The following LASP1 variants were observed in gnomAD, a reference collection of about 807,000 sequenced individuals.
The protein encoded by LASP1 is LIM and SH3 domain protein 1.
LASP1 carries 10 observed loss-of-function variants against 38.6 expected under a neutral mutation model. The observed-to-expected ratio is 0.26, with a 90% CI of 0.16 to 0.44. The LOEUF is 0.44. Ranked by LOEUF, LASP1 falls within the 20% of genes least tolerant of loss-of-function variation. The pLI is 1.00. For synonymous variants in LASP1, 132 were observed against 140.8 expected (o/e 0.94, Z 0.44); for missense variants, 243 against 375.7 (o/e 0.65, Z 2.92).
At chr17:38,910,913 GCA>G (rs879270170) in intron 4 of LASP1, among the ~76,000 whole-genome samples, 39,167 of 151,800 alleles carry the variant, frequency 0.26, 5,986 homozygotes, top group Middle Eastern at 0.49. Context: ...AGTAGAGACG[GCA>G]TTTCACCATG....
chr17:38,877,164 CCA>C (rs1380755184), intron 1 of LASP1, among the ~76,000 whole-genome samples: 1 of 152,186 alleles, frequency 6.6e-6, no homozygotes, highest in Non-Finnish European at 1.5e-5. Flanking sequence ...CTCAGAGGTG[CCA>C]AGTGCTGTGC....
At chr17:38,889,766 A>G (rs1405217766) in intron 2 of LASP1, among the ~76,000 whole-genome samples, 3 of 152,196 alleles carry the variant, frequency 2.0e-5, no homozygotes, top group Non-Finnish European at 2.9e-5. Context: ...AGCATTTCCA[A>G]TAAGGGATAC....
chr17:38,904,193 C>T (rs552037918), intron 4 of LASP1, among the ~76,000 whole-genome samples: 1 of 152,240 alleles, frequency 6.6e-6, no homozygotes, highest in East Asian at 1.9e-4. Context: ...AAAAATATAA[C>T]TCCCATGTAG....
intron 3 of LASP1, among the ~76,000 whole-genome samples, chr17:38,894,775 T>C (rs920879149): frequency 6.6e-6 from 1 of 152,064 alleles, no homozygotes; most frequent in African/African-American, 2.4e-5. Flanking sequence ...TCTCTCTCTG[T>C]CTCCCAGGCT....
rs898647876 is a variant in LASP1 at position 38,919,026 on chromosome 17, C to A, written c.*248C>A. 7.5e-6 allele frequency: 2 copies of A among 268,334 alleles called. No homozygotes were observed. Among genetic ancestry groups the A allele is most frequent in the African/African-American group, 9.5e-5 (1 of 10,520 alleles). 16.6% of individuals were successfully genotyped at this position (268,334 alleles called of 1,614,324 possible). A position where few individuals can be genotyped will look rare whatever the true frequency, so the allele number is the denominator to read the frequency against. ...CTGGATGGAACGGGCATGGGCCTCTCTGGGGGAGGCAGGGCTGGAATGGGA... is the reference window on the plus strand; with the variant it reads ...CTGGATGGAACGGGCATGGGCCTCTATGGGGGAGGCAGGGCTGGAATGGGA... On this transcript the variant is annotated 3_prime_UTR_variant, in exon 7 of 7. Transcript: ENST00000318008.
At chr17:38,875,254 A>G (rs1370126640) in intron 1 of LASP1, among the ~76,000 whole-genome samples, 8 of 152,010 alleles carry the variant, frequency 5.3e-5, no homozygotes, top group Non-Finnish European at 4.4e-5. Context: ...CACCCTGCCA[A>G]TGCCTCCCAG....
At chr17:38,888,941 TC>T (rs1914222706) in intron 2 of LASP1, among the ~76,000 whole-genome samples, 1 of 152,094 alleles carries the variant, frequency 6.6e-6, no homozygotes, top group Non-Finnish European at 1.5e-5. Flanking sequence ...ACTGAAGAAA[TC>T]GTCTGGGCGC....
At chr17:38,896,950 GA>G in intron 3 of LASP1, 1 of 985,364 alleles carries the variant, frequency 1.0e-6, no homozygotes, top group Non-Finnish European at 1.2e-6. Flanking sequence ...TCTGTATCTG[GA>G]GCTACATTTC....
At position 38,914,886 on chromosome 17, in the gene LASP1, A is replaced by C. The variant is rs1024743276; in HGVS notation, c.509-157A>C. On this transcript the variant is annotated intron_variant, in intron 5 of 6. Transcript: ENST00000318008. ...AGCCCCTGCGTGGGATACAACACAC[A>C]GGCAAATGTGCACACGTGGACATCA... 2.0e-5 allele frequency: 14 copies of C among 689,436 alleles called. No individual in the cohort carries two copies. The Admixed American group carries it at 3.7e-4, about 18-fold the overall frequency. The allele number at this position is 689,436 out of a possible 1,614,324, so 42.7% of individuals were successfully genotyped here.
At chr17:38,913,963 T>C (rs566065960) in intron 4 of LASP1, among the ~76,000 whole-genome samples, 115 of 150,896 alleles carry the variant, frequency 7.6e-4, no homozygotes, top group Admixed American at 1.3e-3. Context: ...GATCGTACCA[T>C]TGCACTCCAG....
chr17:38,898,017 G>T (rs1914536619), intron 3 of LASP1, among the ~76,000 whole-genome samples: 1 of 152,204 alleles, frequency 6.6e-6, no homozygotes, highest in African/African-American at 2.4e-5. Context: ...GGCAGATGAG[G>T]GTTTGCACTC....
intron 4 of LASP1, among the ~76,000 whole-genome samples, chr17:38,900,380 CAA>C (rs55996334): frequency 5.3e-5 from 6 of 113,564 alleles, no homozygotes; most frequent in South Asian, 2.8e-4. Context: ...ACCCTGTTTC[CAA>C]AAAAAAAAAG....
rs144649726 is a variant in LASP1, at chr17:38,883,989, C to T, written c.164+5809C>T. 4.7e-3 allele frequency among the ~76,000 whole-genome samples: 712 copies of T among 151,518 alleles called. 4 individuals carry two copies. The highest frequency in any genetic ancestry group is 0.017 in the African/African-American group (683 of 41,364). On this transcript the variant is annotated intron_variant, in intron 2 of 6. Coordinates refer to ENST00000318008, the MANE Select transcript of LASP1 (RefSeq NM_006148.4). ...CTTCCCAGTAGGGGCTTTTGGAATC[C>T]GCAGCTCTTTCTAGAGGCAGGATGT...
chr17:38,871,861 G>A (rs1913619944), intron 1 of LASP1, among the ~76,000 whole-genome samples: 1 of 152,188 alleles, frequency 6.6e-6, no homozygotes. Flanking sequence ...CCGCTGTTGG[G>A]CAGGACTTGA....
chr17:38,912,479 G>A (rs777294002), intron 4 of LASP1, among the ~76,000 whole-genome samples: 2 of 150,364 alleles, frequency 1.3e-5, no homozygotes, highest in African/African-American at 2.5e-5. Context: ...CCAGGGTGCC[G>A]CAGGATCTGG....
intron 4 of LASP1, chr17:38,899,287 A>G (rs1914576744): frequency 6.1e-6 from 1 of 164,564 alleles, no homozygotes; most frequent in South Asian, 1.5e-4. Flanking sequence ...AGCCTGGCCT[A>G]GGAGGTCCTG....
Position 38,918,128 on chromosome 17 carries a change from A to C in LASP1, c.613-477A>C, listed in dbSNP as rs1003645519. Among the ~76,000 whole-genome samples, 2 of 150,922 alleles carry C rather than the reference A, an allele frequency of 1.3e-5. No homozygotes were observed. The highest frequency in any genetic ancestry group is 4.9e-5 in the African/African-American group (2 of 41,004). On this transcript the variant is annotated intron_variant, in intron 6 of 6. Coordinates refer to ENST00000318008, the MANE Select transcript of LASP1 (RefSeq NM_006148.4). The surrounding 1 kb of genome is among the most constrained non-coding windows in gnomAD (Gnocchi z 4.4). Reference sequence around the variant, plus strand: ...GCACTCCAGCTTGGGTGACAAAGCAAGACTCCATCTCAAAAAAAAAAAAAA... The same window carrying C: ...GCACTCCAGCTTGGGTGACAAAGCACGACTCCATCTCAAAAAAAAAAAAAA...
chr17:38,891,389 G>T (rs1028482306), intron 3 of LASP1, among the ~76,000 whole-genome samples: 6 of 152,168 alleles, frequency 3.9e-5, no homozygotes, highest in African/African-American at 1.4e-4. Flanking sequence ...TGATCTTGAT[G>T]TGACTGCCCG....
intron 2 of LASP1, among the ~76,000 whole-genome samples, chr17:38,889,745 G>A (rs938952241): frequency 1.3e-5 from 2 of 152,116 alleles, no homozygotes; most frequent in East Asian, 1.9e-4. Context: ...TCTGAAACAC[G>A]TCTGGTCCTG....
Sources: gnomAD v4.1 joint callset for allele counts (sites outside exome capture counted in the v4.1 genomes callset) on GRCh38, gnomAD v4.1.1 for gene constraint, Gnocchi (gnomAD v3.1) non-coding constraint, MANE v1.5 for transcripts, NCBI Gene and HGNC (gene_info 2026-07-23, HGNC 2026-07-21) for gene names.